Variants in RANBP10 observed in about 807,000 individuals in gnomAD.
The protein encoded by RANBP10 is ran-binding protein 10.
In RANBP10, 24 loss-of-function variants were observed where a neutral mutation model predicts 72.8. The ratio of observed to expected loss-of-function variants is 0.33; its 90% CI spans 0.24 to 0.46. RANBP10 has a LOEUF of 0.46. Among genes scored for constraint, RANBP10 ranks in the 20% least tolerant of loss-of-function variants. The pLI is 1.00. For synonymous variants in RANBP10, 310 were observed against 322.3 expected (o/e 0.96, Z 0.41); for missense variants, 679 against 817.5 (o/e 0.83, Z 2.07).
intron 3 of RANBP10, among the ~76,000 whole-genome samples, chr16:67,752,681 G>A (rs551893321): frequency 6.6e-6 from 1 of 151,918 alleles, no homozygotes; most frequent in Non-Finnish European, 1.5e-5. Flanking sequence ...TGTGCAAAAG[G>A]CAGTTGGAGG....
chr16:67,804,166 T>C (rs975196061), intron 2 of RANBP10, among the ~76,000 whole-genome samples: 4 of 152,134 alleles, frequency 2.6e-5, no homozygotes, highest in African/African-American at 9.7e-5. Flanking sequence ...CCCTCAGCGT[T>C]GGCATGGTCA....
chr16:67,744,739 C>G (rs187510711), intron 3 of RANBP10, among the ~76,000 whole-genome samples: 1 of 152,230 alleles, frequency 6.6e-6, no homozygotes. Context: ...GGTGGTACAA[C>G]AAGGAGGTGG....
intron 2 of RANBP10, among the ~76,000 whole-genome samples, chr16:67,790,380 T>C (rs1035207803): frequency 1.3e-5 from 2 of 151,786 alleles, no homozygotes; most frequent in East Asian, 1.9e-4. Flanking sequence ...GACAGTGATA[T>C]GGTGATGGTT....
chr16:67,757,852 G>C (rs1003328474), intron 3 of RANBP10, among the ~76,000 whole-genome samples: 2 of 152,162 alleles, frequency 1.3e-5, no homozygotes, highest in African/African-American at 4.8e-5. Context: ...GGAAGGTCTG[G>C]CAGTGCCCTG....
intron 2 of RANBP10, among the ~76,000 whole-genome samples, chr16:67,791,447 G>A (rs1483168800): frequency 6.6e-6 from 1 of 152,136 alleles, no homozygotes; most frequent in African/African-American, 2.4e-5. Context: ...CCATCAGCAG[G>A]ATGTCCCTAC....
chr16:67,781,842 AAGAT>A (rs998077537), intron 2 of RANBP10, among the ~76,000 whole-genome samples: 1 of 152,194 alleles, frequency 6.6e-6, no homozygotes, highest in African/African-American at 2.4e-5. Flanking sequence ...ACCAGAACAC[AAGAT>A]AGAGAAGAAG....
chr16:67,755,137 TTCCCATTA>T (rs2054263772), intron 3 of RANBP10, among the ~76,000 whole-genome samples: 1 of 152,126 alleles, frequency 6.6e-6, no homozygotes, highest in African/African-American at 2.4e-5. Flanking sequence ...GGTGCTGCCC[TTCCCATTA>T]AGGGGGGGTC....
chr16:67,783,164 G>C (rs2054845560), intron 2 of RANBP10, among the ~76,000 whole-genome samples: 1 of 152,060 alleles, frequency 6.6e-6, no homozygotes, highest in African/African-American at 2.4e-5. Flanking sequence ...TCCCAAGCTG[G>C]GCACAGAGCA....
At chr16:67,778,692 T>C (rs577370504) in intron 2 of RANBP10, among the ~76,000 whole-genome samples, 1 of 151,700 alleles carries the variant, frequency 6.6e-6, no homozygotes, top group Admixed American at 6.6e-5. Context: ...CTCTAAAAAA[T>C]GAGAGTGGCA....
At chr16:67,788,339 G>A (rs1329662811) in intron 2 of RANBP10, among the ~76,000 whole-genome samples, 4 of 151,560 alleles carry the variant, frequency 2.6e-5, no homozygotes, top group African/African-American at 9.7e-5. Context: ...TGCAAGCTCC[G>A]CCTCCCAGGT....
chr16:67,745,999 A>G (rs1453272840), intron 3 of RANBP10, among the ~76,000 whole-genome samples: 1 of 152,064 alleles, frequency 6.6e-6, no homozygotes, highest in Admixed American at 6.6e-5. Flanking sequence ...TCTACTAAAA[A>G]TACAAAATTA....
At chr16:67,740,558 G>A (rs1466697093) in intron 4 of RANBP10, among the ~76,000 whole-genome samples, 1 of 152,004 alleles carries the variant, frequency 6.6e-6, no homozygotes, top group African/African-American at 2.4e-5. Context: ...TCTATTTTGG[G>A]TCTGACAACA....
chr16:67,765,121 G>A (rs577621583), intron 3 of RANBP10, among the ~76,000 whole-genome samples: 18 of 137,060 alleles, frequency 1.3e-4, no homozygotes, highest in African/African-American at 1.7e-4. Flanking sequence ...AGAATCACTT[G>A]CCCAGGAGGC....
rs773300797 is a variant in RANBP10, at chr16:67,729,345, G to A, written c.1287C>T (p.Ser429=). Residue 429 remains serine, a synonymous_variant, in exon 10 of 14, where the codon TCC becomes TCT. Coordinates refer to ENST00000317506, the MANE Select transcript of RANBP10 (RefSeq NM_020850.3). The surrounding 1 kb of genome is among the most constrained non-coding windows in gnomAD (Gnocchi z 7.1). ...SSSSPSSVNY[S]ESNSTDSTKS... ...TGGTGGAGTCTGTTGAGTTGGACTC[G>A]GAGTAATTGACGGAGGATGGGGAAG... is the stretch of plus-strand genomic sequence containing the variant. 1.4e-5 allele frequency: 22 copies of A among 1,612,290 alleles called. No homozygotes were observed. The South Asian group carries it at 1.6e-4, about 12-fold the overall frequency.
At chr16:67,759,899 G>A (rs1003440437) in intron 3 of RANBP10, among the ~76,000 whole-genome samples, 1 of 152,096 alleles carries the variant, frequency 6.6e-6, no homozygotes, top group East Asian at 1.9e-4. Context: ...AGGAGATCGA[G>A]ACCACCCTGG....
intron 3 of RANBP10, among the ~76,000 whole-genome samples, chr16:67,760,875 C>G (rs1251490026): frequency 6.6e-6 from 1 of 152,180 alleles, no homozygotes; most frequent in African/African-American, 2.4e-5. Context: ...GGCTGAGGCA[C>G]AAGACACAGA....
intron 4 of RANBP10, among the ~76,000 whole-genome samples, chr16:67,743,350 A>T (rs1223792416): frequency 6.6e-6 from 1 of 152,290 alleles, no homozygotes; most frequent in East Asian, 1.9e-4. Flanking sequence ...ATTCTGGAGA[A>T]CTAGGGTGTG....
At chr16:67,744,824 T>A (rs2054038510) in intron 3 of RANBP10, among the ~76,000 whole-genome samples, 1 of 152,186 alleles carries the variant, frequency 6.6e-6, no homozygotes, top group Non-Finnish European at 1.5e-5. Flanking sequence ...TTTAAAATGT[T>A]TTTTTTGTTT....
In RANBP10 at chr16:67,738,118, G is replaced by A. The variant is rs781346830; in HGVS notation, c.569-83C>T. 49 of 1,409,282 alleles carry A rather than the reference G, an allele frequency of 3.5e-5. No individual in the cohort carries two copies. The South Asian group carries it at 5.7e-4, about 16-fold the overall frequency. 87.3% of individuals were successfully genotyped at this position (1,409,282 alleles called of 1,614,324 possible). A position where few individuals can be genotyped will look rare whatever the true frequency, so the allele number is the denominator to read the frequency against. ...ACCCCATGGTGGAGCCAGTGCTAGG[G>A]CCGGGTAGTTGTTTTTTTTGGTTTG... On this transcript the variant is annotated intron_variant, in intron 4 of 13. Coordinates refer to ENST00000317506, the MANE Select transcript of RANBP10 (RefSeq NM_020850.3).
Sources: gnomAD v4.1 joint callset for allele counts (sites outside exome capture counted in the v4.1 genomes callset) on GRCh38, gnomAD v4.1.1 for gene constraint, Gnocchi (gnomAD v3.1) non-coding constraint, MANE v1.5 for transcripts, NCBI Gene and HGNC (gene_info 2026-07-23, HGNC 2026-07-21) for gene names.